MED12L: variants seen among roughly 807,000 people sequenced by gnomAD.
The protein encoded by MED12L is mediator of RNA polymerase II transcription subunit 12-like protein.
A neutral mutation model predicts 281.3 loss-of-function variants in MED12L; 60 were observed. The observed-to-expected ratio is 0.21, with a 90% CI of 0.17 to 0.26. The LOEUF (loss-of-function observed/expected upper bound fraction) is 0.26, where lower values mean the gene tolerates loss of function less well. MED12L is among the 10% of genes least tolerant of loss of function. MED12L has a pLI of 1.00. For synonymous variants in MED12L, 974 were observed against 987.2 expected, an observed-to-expected ratio of 0.99 and a Z score of 0.25; for missense variants, 2,146 against 2,680.9, an observed-to-expected ratio of 0.80 and a Z score of 4.41.
rs1367803678 is a variant in MED12L, at chr3:151,368,672, TTCATG to T, written c.3550+426_3550+430del. Among the ~76,000 whole-genome samples the T allele has an allele frequency of 4.4e-3, 287 of 65,076 alleles. 1 individual carries two copies. The highest frequency in any genetic ancestry group is 0.016 in the African/African-American group (253 of 15,836). 42.7% of individuals were successfully genotyped at this position (65,076 alleles called of 152,430 possible). A position where few individuals can be genotyped will look rare whatever the true frequency, so the allele number is the denominator to read the frequency against. ...TTCATTTCATTTCATTTCATTTCAT[TTCATG>T]TCATTTCATTTTATTTCATTTCATT... On this transcript the variant is annotated intron_variant, in intron 25 of 44. Coordinates refer to ENST00000687756, the MANE Select transcript of MED12L (RefSeq NM_001393769.1).
intron 16 of MED12L, among the ~76,000 whole-genome samples, chr3:151,312,708 A>G (rs1196803210): frequency 6.6e-6 from 1 of 152,184 alleles, no homozygotes; most frequent in African/African-American, 2.4e-5. Context: ...AATGCTGGCT[A>G]GTATTATTGT....
intron 17 of MED12L, among the ~76,000 whole-genome samples, chr3:151,351,341 T>G (rs1228953053): frequency 1.3e-5 from 2 of 152,332 alleles, no homozygotes; most frequent in African/African-American, 4.8e-5. Flanking sequence ...TCAGAGGTGA[T>G]AGTCCTCAGA....
chr3:151,165,590 A>G, intron 10 of MED12L, 71 bp downstream of exon 10: 2 of 1,323,940 alleles, frequency 1.5e-6, no homozygotes, highest in Non-Finnish European at 2.2e-6. Flanking sequence ...CTTCTTATAA[A>G]CCATTCCACA....
chr3:151,156,434 A>C, intron 6 of MED12L, 104 bp downstream of exon 6: 1 of 1,080,854 alleles, frequency 9.3e-7, no homozygotes, highest in Non-Finnish European at 1.3e-6. Context: ...TACATGAACC[A>C]ATACATTCAA....
At chr3:151,181,380 T>C (rs529602050) in intron 11 of MED12L, among the ~76,000 whole-genome samples, 1 of 152,132 alleles carries the variant, frequency 6.6e-6, no homozygotes, top group Admixed American at 6.5e-5. Flanking sequence ...ATTAGTGCTT[T>C]TATATAAATG....
intron 16 of MED12L, chr3:151,328,192 G>A: frequency 6.2e-7 from 1 of 1,613,078 alleles, no homozygotes; most frequent in Non-Finnish European, 8.5e-7. Context: ...GCAGTCTACA[G>A]TCAGTCTTAT....
chr3:151,144,050 C>T (rs1018143286), intron 5 of MED12L, among the ~76,000 whole-genome samples: 23 of 152,030 alleles, frequency 1.5e-4, no homozygotes, highest in African/African-American at 3.4e-4. Context: ...TATCTCATGC[C>T]CTGGAGAAGG....
intron 9 of MED12L, among the ~76,000 whole-genome samples, chr3:151,164,771 A>T (rs904255174): frequency 1.3e-5 from 2 of 151,394 alleles, no homozygotes; most frequent in Admixed American, 1.3e-4. Flanking sequence ...CAAACACCGC[A>T]TGTTCTCACT....
intron 5 of MED12L, among the ~76,000 whole-genome samples, chr3:151,136,966 A>G (rs970372250): frequency 6.6e-6 from 1 of 152,030 alleles, no homozygotes; most frequent in Non-Finnish European, 1.5e-5. Context: ...GATCAAGACC[A>G]TCCTGGCCAA....
chr3:151,370,752 A>G (rs926362380), intron 26 of MED12L, among the ~76,000 whole-genome samples: 5 of 152,238 alleles, frequency 3.3e-5, no homozygotes, highest in Non-Finnish European at 5.9e-5. Context: ...AGTGCTCATC[A>G]GAGAAGCTAG....
intron 16 of MED12L, among the ~76,000 whole-genome samples, chr3:151,303,465 A>G (rs1746218337): frequency 6.6e-6 from 1 of 152,142 alleles, no homozygotes; most frequent in Admixed American, 6.6e-5. Flanking sequence ...ATTGTTCAAG[A>G]TGAAACTGCA....
At chr3:151,290,631 CTTGT>C (rs1464775563) in intron 16 of MED12L, among the ~76,000 whole-genome samples, 4 of 37,702 alleles carry the variant, frequency 1.1e-4, no homozygotes, top group Admixed American at 7.4e-4. Context: ...TTATTACAGC[CTTGT>C]TTTTTTTTTT....
intron 43 of MED12L, among the ~76,000 whole-genome samples, chr3:151,419,840 C>T (rs922730246): frequency 6.6e-6 from 1 of 152,152 alleles, no homozygotes; most frequent in African/African-American, 2.4e-5. Context: ...TCCTATGTCA[C>T]ATGATAAAGG....
intron 16 of MED12L, among the ~76,000 whole-genome samples, chr3:151,215,742 T>G (rs1728089103): frequency 6.6e-6 from 1 of 152,234 alleles, no homozygotes; most frequent in Non-Finnish European, 1.5e-5. Context: ...CCTTTAGTAG[T>G]CTGTCCTTGC....
At chr3:151,396,136 A>G (rs1714935577) in intron 39 of MED12L, among the ~76,000 whole-genome samples, 1 of 152,240 alleles carries the variant, frequency 6.6e-6, no homozygotes, top group Non-Finnish European at 1.5e-5. Context: ...TGATTAAAAT[A>G]TGAAAAAAAA....
chr3:151,270,204 T>TGTGTGTGTGTGTGG (rs1358817019), intron 16 of MED12L: 2 of 136,720 alleles, frequency 1.5e-5, no homozygotes, highest in African/African-American at 5.2e-5. Context: ...GTCGTGTGTG[T>TGTGTGTGTGTGTGG]GTGTGTGTGT....
At position 151,152,632 on chromosome 3, in the gene MED12L, A is replaced by T. The variant is rs151303173; in HGVS notation, c.557-3529A>T. ...TACCACTTATTGATTTCCGTGTTGC[A>T]TGCTTCATGCTAAGTGACTCATCCT... On this transcript the variant is annotated intron_variant, in intron 5 of 44. Transcript: ENST00000687756. Among the ~76,000 whole-genome samples the T allele has an allele frequency of 1.8e-4, 27 of 152,262 alleles. No homozygotes were observed. In the East Asian group the frequency reaches 4.8e-3, roughly 27 times the overall value.
chr3:151,292,698 G>A (rs1412530918), intron 16 of MED12L, among the ~76,000 whole-genome samples: 7 of 151,478 alleles, frequency 4.6e-5, no homozygotes, highest in East Asian at 3.9e-4. Context: ...TCAGCCTTCC[G>A]AGTAGATGGG....
chr3:151,176,393 A>G (rs1722055158), intron 11 of MED12L, among the ~76,000 whole-genome samples: 1 of 152,190 alleles, frequency 6.6e-6, no homozygotes, highest in South Asian at 2.1e-4. Flanking sequence ...GGGAAAAAAT[A>G]CGTTTCAAAT....
Sources: allele counts gnomAD v4.1 joint callset (sites outside exome capture counted in the v4.1 genomes callset), GRCh38; gene constraint gnomAD v4.1.1; transcripts MANE v1.5; gene names NCBI Gene and HGNC (gene_info 2026-07-23, HGNC 2026-07-21).